CCDC171: variants seen among roughly 807,000 people sequenced by gnomAD.
CCDC171 encodes coiled-coil domain-containing protein 171.
Under a neutral mutation model 168.2 loss-of-function variants are expected in CCDC171, and 177 were observed. That is an observed-to-expected ratio of 1.05 (90% CI 0.93 to 1.19). The LOEUF (loss-of-function observed/expected upper bound fraction) is 1.19, where lower values mean the gene tolerates loss of function less well. Ranked by LOEUF, CCDC171 falls within the 50% of genes most tolerant of loss-of-function variation. The pLI is 0.00. For missense variants in CCDC171, 1,991 were observed against 1,539.0 expected (o/e 1.29, Z -4.91); for synonymous variants, 687 against 540.8 (o/e 1.27, Z -3.75).
At chr9:15,585,330 G>C (rs1175601095) in intron 4 of CCDC171, among the ~76,000 whole-genome samples, 1 of 151,990 alleles carries the variant, frequency 6.6e-6, no homozygotes, top group Non-Finnish European at 1.5e-5. Context: ...TCCAAAGTTG[G>C]GGAAAAAGAC....
chr9:16,076,831 G>A, the CCDC171 span, among the ~76,000 whole-genome samples: 2 of 152,156 alleles, frequency 1.3e-5, no homozygotes, highest in Admixed American at 6.5e-5. Context: ...GCTCCATATC[G>A]TGGGCCTGCA....
rs117910974 is a variant in CCDC171 at position 15,853,970 on chromosome 9, T to A, written c.3468+5023T>A. Among the ~76,000 whole-genome samples, 4 of 151,588 alleles carry A rather than the reference T, an allele frequency of 2.6e-5. No homozygotes were observed. The East Asian group carries it at 5.8e-4, about 22-fold the overall frequency. ...AATCTCACTTGGTTATGGTGTATGATCTTTTGAATATGCTGCTAGGTTTGG... is the reference window on the plus strand; with the variant it reads ...AATCTCACTTGGTTATGGTGTATGAACTTTTGAATATGCTGCTAGGTTTGG... On this transcript the variant is annotated intron_variant, in intron 23 of 25. Transcript: ENST00000380701.
At chr9:15,902,269 TATATATATATATAC>T (rs1563967264) in intron 24 of CCDC171, among the ~76,000 whole-genome samples, 81 of 62,820 alleles carry the variant, frequency 1.3e-3, no homozygotes, top group African/African-American at 3.7e-3. Flanking sequence ...TATGTATATA[TATATATATATATAC>T]ACACACACAC....
rs138550792 is a variant in CCDC171, at chr9:16,007,142, T to C, written n.369-13447T>C. 1.0e-3 allele frequency among the ~76,000 whole-genome samples: 158 copies of C among 152,340 alleles called. 1 individual carries two copies. The highest frequency in any genetic ancestry group is 3.7e-3 in the African/African-American group (153 of 41,574). On this transcript the variant is annotated intron_variant and non_coding_transcript_variant, in intron 3 of 9. Coordinates refer to the CCDC171 transcript ENST00000486641. ...CGCCTTTCTAACTGCTATGAGATGG[T>C]ATATCATTGTGGTTTTGATTTGCAT...
At chr9:15,594,523 T>C (rs2042205504) in intron 6 of CCDC171, among the ~76,000 whole-genome samples, 1 of 152,168 alleles carries the variant, frequency 6.6e-6, no homozygotes, top group Non-Finnish European at 1.5e-5. Flanking sequence ...TCCTTACAAA[T>C]CATATAGTGT....
Position 15,573,564 on chromosome 9 carries a change from G to A in CCDC171, c.177+1805G>A, listed in dbSNP as rs542310613. On this transcript the variant is annotated intron_variant, in intron 3 of 25. Coordinates refer to ENST00000380701, the MANE Select transcript of CCDC171 (RefSeq NM_173550.4). ...CCCAAAGTGCTGGGATTACAGGCGT[G>A]AGCCACTGTGCCCCGCCCAATTGAG... is the stretch of plus-strand genomic sequence containing the variant. Among the ~76,000 whole-genome samples the A allele has an allele frequency of 2.0e-5, 3 of 152,304 alleles. No homozygotes were observed. In the East Asian group the frequency reaches 5.8e-4, roughly 29 times the overall value.
intron 7 of CCDC171, among the ~76,000 whole-genome samples, chr9:15,636,613 G>C (rs1047998804): frequency 6.6e-6 from 1 of 151,828 alleles, no homozygotes; most frequent in Non-Finnish European, 1.5e-5. Flanking sequence ...GCCAAACATG[G>C]TGAAATGTGC....
At chr9:15,762,617 G>A (rs997135365) in intron 18 of CCDC171, among the ~76,000 whole-genome samples, 2 of 152,164 alleles carry the variant, frequency 1.3e-5, no homozygotes, top group Non-Finnish European at 2.9e-5. Context: ...AACATTCTCA[G>A]TAATATCAGA....
At chr9:15,593,949 G>A in intron 5 of CCDC171, 92 bp from the exon 6 acceptor site, 2 of 792,306 alleles carry the variant, frequency 2.5e-6, no homozygotes, top group South Asian at 3.3e-5. Context: ...ACATCTATAG[G>A]TAAGGAGAGC....
At chr9:15,558,716 T>G (rs2039014930) in intron 1 of CCDC171, among the ~76,000 whole-genome samples, 1 of 152,164 alleles carries the variant, frequency 6.6e-6, no homozygotes, top group Non-Finnish European at 1.5e-5. Context: ...AAGGGTTTTT[T>G]TGTGTCTCTA....
chr9:15,678,058 C>T (rs2049764686), intron 9 of CCDC171, among the ~76,000 whole-genome samples: 1 of 150,084 alleles, frequency 6.7e-6, no homozygotes, highest in Admixed American at 6.7e-5. Flanking sequence ...TACAGACACA[C>T]ACCACTGTGC....
At chr9:15,937,493 CTA>C (rs1007067299) in intron 25 of CCDC171, among the ~76,000 whole-genome samples, 3 of 151,884 alleles carry the variant, frequency 2.0e-5, no homozygotes, top group Non-Finnish European at 4.4e-5. Flanking sequence ...ATAAATATAA[CTA>C]TGTATTGTAA....
intron 1 of CCDC171, among the ~76,000 whole-genome samples, chr9:16,045,466 T>G (rs961042546): frequency 6.6e-6 from 1 of 152,164 alleles, no homozygotes; most frequent in Non-Finnish European, 1.5e-5. Flanking sequence ...CTGGTAGCAC[T>G]CCTTCCTTCA....
chr9:15,964,077 T>C (rs1036893469), intron 25 of CCDC171, among the ~76,000 whole-genome samples: 1 of 152,220 alleles, frequency 6.6e-6, no homozygotes, highest in Non-Finnish European at 1.5e-5. Flanking sequence ...TACTGAGCTG[T>C]GGAGCCCAAG....
chr9:15,905,643 G>A (rs1335780825), intron 24 of CCDC171, among the ~76,000 whole-genome samples: 1 of 152,042 alleles, frequency 6.6e-6, no homozygotes, highest in Non-Finnish European at 1.5e-5. Context: ...ACATTCAAAA[G>A]CTAGCAGAAG....
intron 20 of CCDC171, among the ~76,000 whole-genome samples, chr9:15,781,987 A>G (rs1208523660): frequency 1.3e-5 from 2 of 152,156 alleles, no homozygotes. Context: ...TGTGGCTCTA[A>G]AACTCATGCT....
intron 25 of CCDC171, among the ~76,000 whole-genome samples, chr9:15,923,266 T>C (rs569362913): frequency 6.6e-6 from 1 of 151,272 alleles, no homozygotes; most frequent in Non-Finnish European, 1.5e-5. Flanking sequence ...TGTCCATCAA[T>C]GGATGGATGG....
chr9:16,077,353 C>G, the CCDC171 span, among the ~76,000 whole-genome samples: 1 of 152,174 alleles, frequency 6.6e-6, no homozygotes, highest in African/African-American at 2.4e-5. Context: ...GGTCCCAATT[C>G]TCTGCTCCTT....
Position 15,590,626 on chromosome 9 carries a change from C to T in CCDC171, c.353-740C>T, listed in dbSNP as rs75996731. Reference sequence around the variant, plus strand: ...AAGGGTTGGGGTAGTGGTTTCCAGCCTCAGCTTTGTGACCCTTGTGTAAGA... The same window carrying T: ...AAGGGTTGGGGTAGTGGTTTCCAGCTTCAGCTTTGTGACCCTTGTGTAAGA... On this transcript the variant is annotated intron_variant, in intron 4 of 25. Coordinates refer to ENST00000380701, the MANE Select transcript of CCDC171 (RefSeq NM_173550.4). Among the ~76,000 whole-genome samples, 578 of 152,270 alleles carry T rather than the reference C, an allele frequency of 3.8e-3. 1 individual carries two copies. The highest frequency in any genetic ancestry group is 0.014 in the African/African-American group (565 of 41,560).
Sources: gnomAD v4.1 joint callset for allele counts (sites outside exome capture counted in the v4.1 genomes callset) on GRCh38, gnomAD v4.1.1 for gene constraint, MANE v1.5 for transcripts, NCBI Gene and HGNC (gene_info 2026-07-23, HGNC 2026-07-21) for gene names.